The following GNAT3 variants were observed in gnomAD, a reference collection of about 807,000 sequenced individuals.
GNAT3 encodes the protein G protein subunit alpha transducin 3.
A neutral mutation model predicts 37.7 loss-of-function variants in GNAT3; 31 were observed. The ratio of observed to expected loss-of-function variants is 0.82; its 90% confidence interval spans 0.62 to 1.11. GNAT3 has a LOEUF of 1.11. Ranked by LOEUF, GNAT3 falls within the 50% of genes most tolerant of loss-of-function variation. The pLI, the probability that GNAT3 is intolerant of heterozygous loss-of-function variation, is 0.00. For missense variants in GNAT3, 437 were observed against 412.5 expected (o/e 1.06, Z -0.51); for synonymous variants, 138 against 139.8 (o/e 0.99, Z 0.09).
intron 3 of GNAT3, among the ~76,000 whole-genome samples, chr7:80,485,242 C>T (rs1790457686): frequency 6.6e-6 from 1 of 151,670 alleles, no homozygotes; most frequent in African/African-American, 2.4e-5. Flanking sequence ...CTAAGTGCTT[C>T]CTTCACCTAT....
Position 80,501,726 on chromosome 7 carries a change from T to A in GNAT3, c.119-7079A>T, listed in dbSNP as rs568070719. 3.9e-5 allele frequency among the ~76,000 whole-genome samples: 6 copies of A among 152,064 alleles called. No homozygotes were observed. The South Asian group carries it at 1.2e-3, about 32-fold the overall frequency. ...AGTCTAAGACAATTTTCTAAATATA[T>A]TCAATTATCTGTATTCTCTGATTAG... is the stretch of plus-strand genomic sequence containing the variant. On this transcript the variant is annotated intron_variant, in intron 1 of 7. Transcript: ENST00000398291.
Position 80,488,564 on chromosome 7 carries a change from C to G in GNAT3, c.274G>C (p.Gly92Arg), listed in dbSNP as rs374920999. The change falls in exon 3 of 8, where the codon GGA (glycine) becomes CGA (arginine). Residue 92 changes from glycine to arginine, a missense_variant. Gly to Arg is a moderately radical substitution (Grantham distance 125). Coordinates refer to ENST00000398291, the MANE Select transcript of GNAT3 (RefSeq NM_001102386.3). ...LAIVKAMTTL[G>R]IDYVNPRSAE... is the part of the protein sequence containing the mutation. Reference sequence around the variant, plus strand: ...CTTCTGGGATTTACATAATCAATTCCAAGGGTAGTCATGGCTTTCACAATA... The same window carrying G: ...CTTCTGGGATTTACATAATCAATTCGAAGGGTAGTCATGGCTTTCACAATA... The G allele has an allele frequency of 6.2e-6, 10 of 1,600,912 alleles. No homozygotes were observed. Among genetic ancestry groups the G allele is most frequent in the Non-Finnish European group, 8.5e-6 (10 of 1,172,694 alleles).
chr7:80,504,075 G>C (rs1044774490), intron 1 of GNAT3, among the ~76,000 whole-genome samples: 2 of 152,166 alleles, frequency 1.3e-5, no homozygotes, highest in Non-Finnish European at 2.9e-5. Flanking sequence ...CAGCACTTTG[G>C]GAGGCCGAGA....
Position 80,489,332 on chromosome 7 carries a change from A to G in GNAT3, c.162-656T>C, listed in dbSNP as rs888451966. On this transcript the variant is annotated intron_variant, in intron 2 of 7. Coordinates refer to ENST00000398291, the MANE Select transcript of GNAT3 (RefSeq NM_001102386.3). ...TAGTAGTTTTCGAATAATAGCTTAA[A>G]ATAGATTTACCTATCAAAAGCTAAA... 2.6e-5 allele frequency among the ~76,000 whole-genome samples: 4 copies of G among 152,176 alleles called. No homozygotes were observed. In the South Asian group the frequency reaches 8.3e-4, roughly 31 times the overall value.
intron 1 of GNAT3, among the ~76,000 whole-genome samples, chr7:80,496,279 C>T (rs1038708644): frequency 1.1e-4 from 16 of 151,972 alleles, no homozygotes; most frequent in South Asian, 4.2e-4. Context: ...TACAGGTGTG[C>T]GCCATCATGC....
At chr7:80,467,730 G>C (rs1790149014) in intron 5 of GNAT3, among the ~76,000 whole-genome samples, 1 of 152,022 alleles carries the variant, frequency 6.6e-6, no homozygotes, top group Non-Finnish European at 1.5e-5. Context: ...ACCATTCTGT[G>C]AGAGACAAAA....
intron 3 of GNAT3, among the ~76,000 whole-genome samples, chr7:80,479,784 AAATT>A (rs764435519): frequency 6.6e-6 from 1 of 151,684 alleles, no homozygotes; most frequent in African/African-American, 2.4e-5. Flanking sequence ...TTGTTTCAAA[AAATT>A]AATATATAAT....
intron 1 of GNAT3, among the ~76,000 whole-genome samples, chr7:80,497,669 T>TGC (rs1183677602): frequency 2.9e-5 from 3 of 103,476 alleles, no homozygotes; most frequent in African/African-American, 2.1e-4. Context: ...TATACGTATA[T>TGC]ACATACATAT....
chr7:80,460,280 G>C (rs1245103695), intron 7 of GNAT3, among the ~76,000 whole-genome samples: 2 of 152,174 alleles, frequency 1.3e-5, no homozygotes. Flanking sequence ...CAAAAGGATA[G>C]AAACAATAAA....
chr7:80,475,257 A>T (rs770607961), intron 4 of GNAT3, among the ~76,000 whole-genome samples: 2 of 151,982 alleles, frequency 1.3e-5, no homozygotes, highest in African/African-American at 2.4e-5. Context: ...ATGAACAGGA[A>T]TAAGTCTAAT....
intron 1 of GNAT3, among the ~76,000 whole-genome samples, chr7:80,504,307 T>A (rs558159004): frequency 6.6e-6 from 1 of 152,084 alleles, no homozygotes. Flanking sequence ...AAAGACCCTG[T>A]CTTTAAAAAA....
At position 80,477,412 on chromosome 7, in the gene GNAT3, G is replaced by C. The variant is rs75516915; in HGVS notation, c.461+1429C>G. Reference sequence around the variant, plus strand: ...TCCCTTGTACTATTAAAATGTGGTAGGTGCTGAGACACTTATGAAAAGTTA... The same window carrying C: ...TCCCTTGTACTATTAAAATGTGGTACGTGCTGAGACACTTATGAAAAGTTA... On this transcript the variant is annotated intron_variant, in intron 4 of 7. Transcript: ENST00000398291. Among the ~76,000 whole-genome samples, 1,370 of 152,204 alleles carry C rather than the reference G, an allele frequency of 9.0e-3. 17 individuals are homozygous for C. The highest frequency in any genetic ancestry group is 0.031 in the African/African-American group (1,306 of 41,542).
chr7:80,492,333 G>A (rs998450710), intron 2 of GNAT3, among the ~76,000 whole-genome samples: 1 of 151,486 alleles, frequency 6.6e-6, no homozygotes, highest in Non-Finnish European at 1.5e-5. Context: ...GACAGAGCGA[G>A]ACCCTTTCTC....
intron 3 of GNAT3, 48 bp downstream of exon 3, chr7:80,488,487 C>G (rs776549358): frequency 1.3e-6 from 2 of 1,512,034 alleles, no homozygotes; most frequent in East Asian, 2.3e-5. Flanking sequence ...TATTTTATGG[C>G]TCAAACTCTA....
intron 1 of GNAT3, among the ~76,000 whole-genome samples, chr7:80,510,037 A>G (rs917274175): frequency 6.6e-6 from 1 of 152,160 alleles, no homozygotes; most frequent in Non-Finnish European, 1.5e-5. Context: ...ATCATTAACT[A>G]TAGTCACCGT....
At chr7:80,497,597 TATACATATAC>T (rs2116214350) in intron 1 of GNAT3, among the ~76,000 whole-genome samples, 1 of 123,402 alleles carries the variant, frequency 8.1e-6, no homozygotes, top group South Asian at 2.2e-4. Context: ...CATATACGTA[TATACATATAC>T]GTATATACAT....
intron 3 of GNAT3, among the ~76,000 whole-genome samples, chr7:80,486,250 A>T (rs1790476755): frequency 6.6e-6 from 1 of 152,144 alleles, no homozygotes; most frequent in Admixed American, 6.6e-5. Flanking sequence ...GATAGTTGAG[A>T]ATATAGGTAC....
intron 5 of GNAT3, among the ~76,000 whole-genome samples, chr7:80,472,755 C>T (rs2116158615): frequency 6.6e-6 from 1 of 152,268 alleles, no homozygotes; most frequent in East Asian, 1.9e-4. Flanking sequence ...TAAGCTACAT[C>T]AAGTTATAAC....
At chr7:80,480,238 A>AT (rs1415908181) in intron 3 of GNAT3, among the ~76,000 whole-genome samples, 4 of 152,122 alleles carry the variant, frequency 2.6e-5, no homozygotes, top group Non-Finnish European at 5.9e-5. Context: ...AGTGCATATT[A>AT]TTACAATTTA....
Sources: allele counts gnomAD v4.1 joint callset (sites outside exome capture counted in the v4.1 genomes callset), GRCh38; gene constraint gnomAD v4.1.1; transcripts MANE v1.5; gene names NCBI Gene and HGNC (gene_info 2026-07-23, HGNC 2026-07-21).